The following SLC12A8 variants were observed in gnomAD, a reference collection of about 807,000 sequenced individuals.
SLC12A8 encodes the protein solute carrier family 12 member 8.
In SLC12A8, 69 loss-of-function variants were observed where a neutral mutation model predicts 75.6. The ratio of observed to expected loss-of-function variants is 0.91; its 90% CI spans 0.75 to 1.11. SLC12A8 has a LOEUF of 1.11. SLC12A8 is among the 50% of genes most tolerant of loss of function. The probability of loss-of-function intolerance (pLI) is 0.00; values close to 1 mark genes in which losing one functional copy is unlikely to be tolerated. For missense variants in SLC12A8, 877 were observed against 896.7 expected (o/e 0.98, Z 0.28); for synonymous variants, 365 against 372.8 (o/e 0.98, Z 0.24).
At chr3:125,084,357 T>A (rs1369539778) in intron 13 of SLC12A8, among the ~76,000 whole-genome samples, 1 of 151,838 alleles carries the variant, frequency 6.6e-6, no homozygotes, top group East Asian at 1.9e-4. Context: ...CCAAATGGTA[T>A]CATGTTGGGG....
At chr3:125,194,456 G>A (rs1468404210) in intron 2 of SLC12A8, among the ~76,000 whole-genome samples, 4 of 151,998 alleles carry the variant, frequency 2.6e-5, no homozygotes, top group African/African-American at 4.8e-5. Flanking sequence ...GGGGGTAGGG[G>A]GTTGTCTAGA....
At chr3:125,203,811 G>A (rs1935176792) in intron 2 of SLC12A8, among the ~76,000 whole-genome samples, 1 of 152,182 alleles carries the variant, frequency 6.6e-6, no homozygotes, top group South Asian at 2.1e-4. Context: ...TGTAGAATGG[G>A]ATAAAATATT....
At chr3:125,180,430 C>T (rs1160206861) in intron 4 of SLC12A8, among the ~76,000 whole-genome samples, 1 of 152,172 alleles carries the variant, frequency 6.6e-6, no homozygotes, top group African/African-American at 2.4e-5. Context: ...CAATAGCTAC[C>T]ACCTGTAATC....
At chr3:125,194,240 G>A (rs535255974) in intron 2 of SLC12A8, among the ~76,000 whole-genome samples, 2 of 152,342 alleles carry the variant, frequency 1.3e-5, no homozygotes, top group East Asian at 3.9e-4. Flanking sequence ...GGCCCAGGAT[G>A]ATCCCTCTGC....
At chr3:125,147,963 C>G (rs1250572671) in intron 5 of SLC12A8, among the ~76,000 whole-genome samples, 2 of 152,158 alleles carry the variant, frequency 1.3e-5, no homozygotes, top group African/African-American at 4.8e-5. Flanking sequence ...CACTAGGCCT[C>G]TTATAAACAT....
intron 5 of SLC12A8, among the ~76,000 whole-genome samples, chr3:125,177,242 G>A (rs377434988): frequency 2.0e-5 from 3 of 148,856 alleles, no homozygotes; most frequent in Admixed American, 6.8e-5. Flanking sequence ...ACCAAACACC[G>A]CATGTTCTCA....
intron 4 of SLC12A8, among the ~76,000 whole-genome samples, chr3:125,180,242 A>AAGG: frequency 6.6e-6 from 1 of 152,292 alleles, no homozygotes; most frequent in East Asian, 1.9e-4. Context: ...GGTGGTTAGG[A>AAGG]GCATGAATTG....
chr3:125,144,288 A>AT (rs1401222676), intron 5 of SLC12A8, among the ~76,000 whole-genome samples: 4 of 152,112 alleles, frequency 2.6e-5, no homozygotes, highest in Non-Finnish European at 4.4e-5. Flanking sequence ...AGGTAGATGG[A>AT]TTTTTTTCAG....
At chr3:125,113,796 C>G (rs949228911) in intron 8 of SLC12A8, among the ~76,000 whole-genome samples, 1 of 152,128 alleles carries the variant, frequency 6.6e-6, no homozygotes, top group Non-Finnish European at 1.5e-5. Flanking sequence ...TCTTCAGTAA[C>G]TACTGATGAA....
chr3:125,088,161 G>C, intron 13 of SLC12A8, 149 bp downstream of exon 13: 1 of 676,204 alleles, frequency 1.5e-6, no homozygotes, highest in Admixed American at 2.7e-5. Flanking sequence ...GCACGCAGGA[G>C]CAACATCTGA....
intron 13 of SLC12A8, among the ~76,000 whole-genome samples, chr3:125,086,643 T>C (rs1938467248): frequency 6.6e-6 from 1 of 152,198 alleles, no homozygotes; most frequent in African/African-American, 2.4e-5. Context: ...CAGGACTGGG[T>C]TGTAGGGGAG....
intron 2 of SLC12A8, among the ~76,000 whole-genome samples, chr3:125,209,438 CA>C (rs1241015022): frequency 1.3e-5 from 2 of 152,180 alleles, no homozygotes; most frequent in African/African-American, 4.8e-5. Context: ...ATCATTTTCT[CA>C]CCCTCCCACC....
At chr3:125,141,312 C>T (rs816152) in intron 5 of SLC12A8, among the ~76,000 whole-genome samples, 104,399 of 152,088 alleles carry the variant, frequency 0.69, 36,136 homozygotes, top group East Asian at 0.81. Flanking sequence ...TCTTGTGATG[C>T]GGCCAGTGGG....
In SLC12A8 at chr3:125,107,641, G is replaced by T. The variant is rs1939062975; in HGVS notation, c.1545C>A (p.Phe515Leu). The T allele has an allele frequency of 6.2e-7, 1 of 1,614,072 alleles. No individual in the cohort carries two copies. The highest frequency in any genetic ancestry group is 1.3e-5 in the African/African-American group (1 of 74,932). Residue 515 changes from phenylalanine to leucine, a missense_variant, in exon 10 of 14, where the codon TTC (phenylalanine) becomes TTA (leucine). Phe to Leu is a conservative substitution (Grantham distance 22). Transcript: ENST00000469902. ...GCAACCTGTCAGAGATCTCGACAGG[G>T]AAAGAAGGAGGGGATTTGAGGTCCA... ...FLLDLKSPPS[F>L]PVEISDRLPA...
At chr3:125,157,373 G>A (rs1171609847) in intron 5 of SLC12A8, among the ~76,000 whole-genome samples, 3 of 152,074 alleles carry the variant, frequency 2.0e-5, no homozygotes, top group South Asian at 2.1e-4. Flanking sequence ...GAAAAATAAC[G>A]GCTGTGATCT....
intron 4 of SLC12A8, among the ~76,000 whole-genome samples, chr3:125,184,875 T>A (rs1934739512): frequency 6.6e-6 from 1 of 151,846 alleles, no homozygotes; most frequent in South Asian, 2.1e-4. Context: ...CACACCTTTA[T>A]CTAAGCTGAT....
chr3:125,171,099 G>C (rs2107784063), intron 5 of SLC12A8, among the ~76,000 whole-genome samples: 1 of 152,292 alleles, frequency 6.6e-6, no homozygotes, highest in South Asian at 2.1e-4. Context: ...TAAAAATAAA[G>C]AGAAAAATAT....
At chr3:125,195,374 C>G (rs74877337) in intron 2 of SLC12A8, among the ~76,000 whole-genome samples, 2 of 152,310 alleles carry the variant, frequency 1.3e-5, no homozygotes, top group East Asian at 3.9e-4. Flanking sequence ...GTGACTGATG[C>G]TGGAAATGGA....
At chr3:125,112,434 T>C (rs1199357852) in intron 8 of SLC12A8, among the ~76,000 whole-genome samples, 1 of 152,194 alleles carries the variant, frequency 6.6e-6, no homozygotes, top group Non-Finnish European at 1.5e-5. Context: ...GATAGTTAGT[T>C]ATGCTCATGG....
Sources: gnomAD v4.1 joint callset for allele counts (sites outside exome capture counted in the v4.1 genomes callset) on GRCh38, gnomAD v4.1.1 for gene constraint, MANE v1.5 for transcripts, NCBI Gene and HGNC (gene_info 2026-07-23, HGNC 2026-07-21) for gene names.